The following GAB1 variants were observed in gnomAD, a reference collection of about 807,000 sequenced individuals.
GAB1 encodes GRB2-associated-binding protein 1.
In GAB1, 19 loss-of-function variants were observed where a neutral mutation model predicts 66.5. The ratio of observed to expected loss-of-function variants is 0.29; its 90% CI spans 0.20 to 0.42. The LOEUF is 0.42. Among genes scored for constraint, GAB1 ranks in the 10% least tolerant of loss-of-function variants. The pLI is 1.00. For synonymous variants in GAB1, 294 were observed against 301.4 expected, an observed-to-expected ratio of 0.98 and a Z score of 0.25; for missense variants, 732 against 858.5, an observed-to-expected ratio of 0.85 and a Z score of 1.84.
At chr4:143,441,221 T>G (rs1734212560) in intron 6 of GAB1, among the ~76,000 whole-genome samples, 1 of 152,224 alleles carries the variant, frequency 6.6e-6, no homozygotes, top group African/African-American at 2.4e-5. Flanking sequence ...GGGGTTTAAG[T>G]TGTTAAAACA....
chr4:143,438,684 T>G, intron 4 of GAB1, 84 bp downstream of exon 4: 1 of 1,367,888 alleles, frequency 7.3e-7, no homozygotes, highest in Non-Finnish European at 1.0e-6. Flanking sequence ...TAAGCGTAGT[T>G]AAATATACTA....
At chr4:143,465,005 G>T (rs184337263) in intron 8 of GAB1, among the ~76,000 whole-genome samples, 1 of 152,246 alleles carries the variant, frequency 6.6e-6, no homozygotes, top group Admixed American at 6.5e-5. Context: ...TTCTTTAAAA[G>T]TATGAGATAA....
intron 1 of GAB1, among the ~76,000 whole-genome samples, chr4:143,363,973 C>T (rs1181849158): frequency 3.3e-5 from 5 of 151,808 alleles, no homozygotes; most frequent in African/African-American, 1.2e-4. Flanking sequence ...CTGAGTTGGG[C>T]GGACAGGAGT....
At chr4:143,347,081 A>G (rs2149644692) in intron 1 of GAB1, among the ~76,000 whole-genome samples, 1 of 152,384 alleles carries the variant, frequency 6.6e-6, no homozygotes, top group South Asian at 2.1e-4. Context: ...AGGTATATAC[A>G]CAGGAATCTG....
At position 143,452,981 on chromosome 4, in the gene GAB1, G is replaced by A. The variant is rs79926687; in HGVS notation, c.1586-6404G>A. Among the ~76,000 whole-genome samples the A allele has an allele frequency of 1.8e-4, 28 of 152,194 alleles. 1 individual carries two copies. The East Asian group carries it at 4.8e-3, about 26-fold the overall frequency. On this transcript the variant is annotated intron_variant, in intron 6 of 9. Coordinates refer to ENST00000262994, the MANE Select transcript of GAB1 (RefSeq NM_002039.4). ...TTCTTCAGCAATCAGTAAAACATTG[G>A]CCTATTATATACAGGCAGTAAAGGA...
At chr4:143,420,991 A>G (rs918079056) in intron 2 of GAB1, among the ~76,000 whole-genome samples, 18 of 152,116 alleles carry the variant, frequency 1.2e-4, no homozygotes, top group Admixed American at 9.8e-4. Flanking sequence ...GTATTGATCT[A>G]TATCTACATG....
intron 2 of GAB1, among the ~76,000 whole-genome samples, chr4:143,427,453 G>C (rs915933863): frequency 6.6e-6 from 1 of 151,996 alleles, no homozygotes; most frequent in African/African-American, 2.4e-5. Context: ...AAAACAGAAC[G>C]GGGTTGCGGG....
chr4:143,337,179 C>CG lies in GAB1; in HGVS notation c.-9dup. On this transcript the variant is annotated 5_prime_UTR_variant, in exon 1 of 10. Coordinates refer to ENST00000262994, the MANE Select transcript of GAB1 (RefSeq NM_002039.4). ...CAGCTGCCCGGCCCGGAGCCCGAGA[C>CG]GCGCGCACCATGAGCGGTGGTGAAG... is the stretch of plus-strand genomic sequence containing the variant. 6.4e-7 allele frequency: 1 copy of CG among 1,571,574 alleles called. No homozygotes were observed. The highest frequency in any genetic ancestry group is 8.6e-7 in the Non-Finnish European group (1 of 1,158,018).
intron 1 of GAB1, among the ~76,000 whole-genome samples, chr4:143,339,702 C>G (rs568047554): frequency 6.6e-6 from 1 of 152,184 alleles, no homozygotes; most frequent in South Asian, 2.1e-4. Flanking sequence ...TGTGAAAAAG[C>G]CAACAGTGCA....
At chr4:143,424,161 G>A (rs1178527407) in intron 2 of GAB1, among the ~76,000 whole-genome samples, 2 of 152,164 alleles carry the variant, frequency 1.3e-5, no homozygotes, top group African/African-American at 2.4e-5. Context: ...AGTAGTTGCA[G>A]TGAAAAGCTA....
chr4:143,412,427 A>G (rs984265570), intron 1 of GAB1, among the ~76,000 whole-genome samples: 1 of 151,774 alleles, frequency 6.6e-6, no homozygotes, highest in Non-Finnish European at 1.5e-5. Context: ...AAATTTTACA[A>G]GTCTACTCTC....
intron 1 of GAB1, among the ~76,000 whole-genome samples, chr4:143,354,692 C>T (rs1215690633): frequency 3.3e-5 from 5 of 152,072 alleles, no homozygotes; most frequent in African/African-American, 9.7e-5. Flanking sequence ...AGAAAATGTG[C>T]ATAGATTCAC....
intron 8 of GAB1, among the ~76,000 whole-genome samples, chr4:143,461,546 C>T (rs888132996): frequency 3.3e-5 from 5 of 152,154 alleles, no homozygotes; most frequent in Admixed American, 6.5e-5. Context: ...GACAGTACCT[C>T]GAAACTGCTT....
chr4:143,384,175 A>G (rs62337525), intron 1 of GAB1, among the ~76,000 whole-genome samples: 6,536 of 152,310 alleles, frequency 0.043, 150 homozygotes, highest in African/African-American at 0.053. Flanking sequence ...GAAATTGAGA[A>G]CATGCTAACT....
rs1734018766 is a variant in GAB1 at position 143,437,979 on chromosome 4, C to A, written c.594-20C>A. 1.3e-6 allele frequency: 2 copies of A among 1,594,978 alleles called. No individual in the cohort carries two copies. The highest frequency in any genetic ancestry group is 1.7e-6 in the Non-Finnish European group (2 of 1,169,202). On this transcript the variant is annotated intron_variant, in intron 3 of 9. Coordinates refer to ENST00000262994, the MANE Select transcript of GAB1 (RefSeq NM_002039.4). ...TTAGTCTCCACCTTGTTTATTCTGT[C>A]ATTAACAATTTTTATTTAGAACGCA...
At chr4:143,398,985 C>T (rs563350853) in intron 1 of GAB1, among the ~76,000 whole-genome samples, 5 of 152,232 alleles carry the variant, frequency 3.3e-5, no homozygotes, top group Non-Finnish European at 5.9e-5. Flanking sequence ...GAAAGATCCC[C>T]ATCTAGATGA....
intron 2 of GAB1, among the ~76,000 whole-genome samples, chr4:143,418,594 G>T (rs563499228): frequency 3.3e-5 from 5 of 152,118 alleles, no homozygotes; most frequent in Non-Finnish European, 7.4e-5. Flanking sequence ...TGTTTGGGGG[G>T]ACATAAGGGC....
rs192732482 is a variant in GAB1 at position 143,430,759 on chromosome 4, C to T, written c.368-2732C>T. On this transcript the variant is annotated intron_variant, in intron 2 of 9. Coordinates refer to ENST00000262994, the MANE Select transcript of GAB1 (RefSeq NM_002039.4). The stretch of plus-strand genomic sequence containing the variant: ...ACCTTATTGTGCTTTTATTTCAGTG[C>T]TCAATTTACAGAAAAACCATATTAT... Among the ~76,000 whole-genome samples the T allele has an allele frequency of 2.2e-3, 334 of 152,244 alleles. 1 individual carries two copies. Among genetic ancestry groups the T allele is most frequent in the East Asian group, 8.1e-3 (42 of 5,178 alleles).
intron 1 of GAB1, among the ~76,000 whole-genome samples, chr4:143,412,306 T>A (rs1169770731): frequency 6.6e-6 from 1 of 152,216 alleles, no homozygotes; most frequent in African/African-American, 2.4e-5. Flanking sequence ...GTTGTCTTAG[T>A]TATGTTTATT....
Sources: allele counts gnomAD v4.1 joint callset (sites outside exome capture counted in the v4.1 genomes callset), GRCh38; gene constraint gnomAD v4.1.1; transcripts MANE v1.5; gene names NCBI Gene and HGNC (gene_info 2026-07-23, HGNC 2026-07-21).